MIR2052HG: variants seen among roughly 807,000 people sequenced by gnomAD.
MIR2052HG encodes MIR2052 host gene.
chr8:74,603,688 G>T, intron 1 of MIR2052HG: 2 of 989,010 alleles, frequency 2.0e-6, no homozygotes, highest in Non-Finnish European at 3.3e-6. Flanking sequence ...AAAGATGACC[G>T]GAGAGCTGGA....
chr8:74,733,502 T>C (rs1161232141), intron 4 of MIR2052HG, among the ~76,000 whole-genome samples: 1 of 150,466 alleles, frequency 6.6e-6, no homozygotes, highest in Non-Finnish European at 1.5e-5. Context: ...TTGGGTTGGT[T>C]CCAAGTCTTT....
intron 4 of MIR2052HG, among the ~76,000 whole-genome samples, chr8:74,709,446 G>A (rs1343809699): frequency 6.6e-6 from 1 of 151,842 alleles, no homozygotes; most frequent in East Asian, 1.9e-4. Context: ...TTTGATTGGG[G>A]GAGGAGTTGG....
In MIR2052HG at chr8:74,661,085, A is replaced by G. The variant is rs1041191281; in HGVS notation, n.217-41294A>G. 3.9e-5 allele frequency among the ~76,000 whole-genome samples: 6 copies of G among 152,224 alleles called. No homozygotes were observed. In the South Asian group the frequency reaches 6.2e-4, roughly 16 times the overall value. ...AAGGGAGATAATAACTACAACTGAA[A>G]GAACAGCAAGTGAAACAGGACCTGA... On this transcript the variant is annotated intron_variant and non_coding_transcript_variant, in intron 2 of 6. Coordinates refer to ENST00000523442, the Ensembl canonical transcript of MIR2052HG.
chr8:74,658,455 A>C (rs1191497231), intron 2 of MIR2052HG, among the ~76,000 whole-genome samples: 1 of 148,880 alleles, frequency 6.7e-6, no homozygotes, highest in African/African-American at 2.5e-5. Context: ...CAATGGCGTG[A>C]TCTTGGCTCA....
At chr8:74,647,127 G>A (rs1808697073) in intron 2 of MIR2052HG, among the ~76,000 whole-genome samples, 1 of 152,080 alleles carries the variant, frequency 6.6e-6, no homozygotes, top group Non-Finnish European at 1.5e-5. Flanking sequence ...GAAGGAACCT[G>A]TTAGTCTTAG....
At position 74,719,668 on chromosome 8, in the gene MIR2052HG, GA is replaced by G. The variant is rs942276362; in HGVS notation, n.371+15995del. ...TAGTAACTACTTGGAGGTCATCATG[GA>G]AAAAAAAATAGACTTGTGTGTTAAA... On this transcript the variant is annotated intron_variant and non_coding_transcript_variant, in intron 4 of 6. Coordinates refer to ENST00000523442, the Ensembl canonical transcript of MIR2052HG. Among the ~76,000 whole-genome samples, 16 of 149,504 alleles carry G rather than the reference GA, an allele frequency of 1.1e-4. 1 individual carries two copies. Among genetic ancestry groups the G allele is most frequent in the South Asian group, 6.4e-4 (3 of 4,724 alleles).
chr8:74,678,988 A>C (rs1256672477), intron 2 of MIR2052HG, among the ~76,000 whole-genome samples: 1 of 152,210 alleles, frequency 6.6e-6, no homozygotes, highest in East Asian at 1.9e-4. Context: ...ATATTTCATA[A>C]AGTTCAACAT....
At chr8:74,612,114 C>T (rs932283207) in intron 1 of MIR2052HG, among the ~76,000 whole-genome samples, 10 of 152,328 alleles carry the variant, frequency 6.6e-5, no homozygotes, top group Non-Finnish European at 1.5e-4. Context: ...CGCATGACAC[C>T]TTGGGCAAAA....
At chr8:74,710,952 G>C (rs1489854620) in intron 4 of MIR2052HG, among the ~76,000 whole-genome samples, 1 of 152,150 alleles carries the variant, frequency 6.6e-6, no homozygotes, top group African/African-American at 2.4e-5. Flanking sequence ...CCCACGTTTT[G>C]ACTCAACCTG....
chr8:74,720,356 A>G (rs1299785917), intron 4 of MIR2052HG, among the ~76,000 whole-genome samples: 3 of 152,202 alleles, frequency 2.0e-5, no homozygotes, highest in Non-Finnish European at 4.4e-5. Flanking sequence ...GCCTAGGTCT[A>G]TCTCTCTTGT....
At chr8:74,716,441 A>G (rs1809522555) in intron 4 of MIR2052HG, among the ~76,000 whole-genome samples, 1 of 152,158 alleles carries the variant, frequency 6.6e-6, no homozygotes, top group African/African-American at 2.4e-5. Flanking sequence ...GGCCGGTCAC[A>G]GTGGCTCATG....
chr8:74,695,873 G>A (rs547523509), intron 2 of MIR2052HG, among the ~76,000 whole-genome samples: 1 of 152,146 alleles, frequency 6.6e-6, no homozygotes, highest in East Asian at 1.9e-4. Context: ...CACAATAATA[G>A]TGGGGGACTT....
intron 2 of MIR2052HG, among the ~76,000 whole-genome samples, chr8:74,668,624 G>A (rs7341600): frequency 0.11 from 16,468 of 152,160 alleles, 2,069 homozygotes; most frequent in African/African-American, 0.31. Flanking sequence ...GTGGTGGAAT[G>A]TTGTGATGTG....
intron 2 of MIR2052HG, among the ~76,000 whole-genome samples, chr8:74,655,634 G>A (rs1359485262): frequency 6.6e-6 from 1 of 152,204 alleles, no homozygotes; most frequent in African/African-American, 2.4e-5. Flanking sequence ...GGAAATGCTT[G>A]GATGCCCAGG....
chr8:74,682,083 C>T (rs1217184885), intron 2 of MIR2052HG, among the ~76,000 whole-genome samples: 1 of 152,076 alleles, frequency 6.6e-6, no homozygotes, highest in Non-Finnish European at 1.5e-5. Context: ...TGTTAATTTG[C>T]TTGACTGTGG....
At chr8:74,671,402 C>T (rs80041754) in intron 2 of MIR2052HG, among the ~76,000 whole-genome samples, 1,936 of 152,026 alleles carry the variant, frequency 0.013, 31 homozygotes, top group African/African-American at 0.045. Context: ...GATAGCTTCG[C>T]TTGTTTTTTA....
intron 4 of MIR2052HG, among the ~76,000 whole-genome samples, chr8:74,721,325 C>T (rs1809576230): frequency 6.6e-6 from 1 of 152,168 alleles, no homozygotes. Flanking sequence ...CTGTGTTTCA[C>T]TTATCTATTG....
At chr8:74,722,519 A>G (rs191072466) in intron 4 of MIR2052HG, among the ~76,000 whole-genome samples, 5 of 152,334 alleles carry the variant, frequency 3.3e-5, no homozygotes, top group Admixed American at 2.6e-4. Context: ...ATTATACATA[A>G]TAAAATGTCT....
chr8:74,727,653 G>T (rs1003416694), intron 4 of MIR2052HG, among the ~76,000 whole-genome samples: 1 of 152,086 alleles, frequency 6.6e-6, no homozygotes, highest in Non-Finnish European at 1.5e-5. Flanking sequence ...AGACCTACTT[G>T]CATATTTTTT....
Sources: allele counts gnomAD v4.1 joint callset (sites outside exome capture counted in the v4.1 genomes callset), GRCh38; gene constraint gnomAD v4.1.1; transcripts MANE v1.5; gene names NCBI Gene and HGNC (gene_info 2026-07-23, HGNC 2026-07-21).